The following COL21A1 variants were observed in gnomAD, a reference collection of about 807,000 sequenced individuals.
The protein encoded by COL21A1 is collagen alpha-1(XXI) chain.
In COL21A1, 149 loss-of-function variants were observed where a neutral mutation model predicts 137.9. The ratio of observed to expected loss-of-function variants is 1.08; its 90% CI spans 0.95 to 1.24. COL21A1 has a LOEUF of 1.24. COL21A1 is among the 50% of genes most tolerant of loss of function. COL21A1 has a pLI of 0.00. For missense variants in COL21A1, 1,167 were observed against 1,158.4 expected (o/e 1.01, Z -0.11); for synonymous variants, 456 against 391.5 (o/e 1.16, Z -1.95).
At chr6:56,226,107 A>G (rs987120913) in intron 1 of COL21A1, among the ~76,000 whole-genome samples, 7 of 152,082 alleles carry the variant, frequency 4.6e-5, no homozygotes, top group Non-Finnish European at 7.4e-5. Context: ...AAATATCTTG[A>G]CTTTTTCTTT....
chr6:56,313,380 A>G (rs969419635), intron 1 of COL21A1, among the ~76,000 whole-genome samples: 1 of 152,066 alleles, frequency 6.6e-6, no homozygotes, highest in African/African-American at 2.4e-5. Context: ...TGTCATAACA[A>G]CATATCATAG....
At chr6:56,349,099 G>A (rs1314457492) in intron 1 of COL21A1, among the ~76,000 whole-genome samples, 1 of 152,174 alleles carries the variant, frequency 6.6e-6, no homozygotes, top group Non-Finnish European at 1.5e-5. Flanking sequence ...AATAGCTTCT[G>A]AAGAAGAGAA....
chr6:56,199,161 G>T (rs1275144542), intron 1 of COL21A1, among the ~76,000 whole-genome samples: 1 of 152,034 alleles, frequency 6.6e-6, no homozygotes, highest in African/African-American at 2.4e-5. Context: ...AACTATTACA[G>T]TTGTAGGGTC....
At chr6:56,151,349 C>A (rs1325288974) in intron 10 of COL21A1, among the ~76,000 whole-genome samples, 1 of 152,206 alleles carries the variant, frequency 6.6e-6, no homozygotes, top group Non-Finnish European at 1.5e-5. Context: ...ATATGGCCTT[C>A]TTTAACAAAT....
At chr6:56,247,599 CCCGGG>C (rs2152328273), upstream of COL21A1, 1 of 152,412 alleles carries the variant, frequency 6.6e-6, no homozygotes, top group African/African-American at 2.4e-5. Context: ...GGAGGCGGAG[CCCGGG>C]AGATAAGGTT....
At chr6:56,347,517 T>TAAAAAAAA (rs373385667) in intron 1 of COL21A1, among the ~76,000 whole-genome samples, 2 of 127,182 alleles carry the variant, frequency 1.6e-5, no homozygotes, top group African/African-American at 5.9e-5. Context: ...AGGAAGCATT[T>TAAAAAAAA]AAAAAAAAAA....
intron 1 of COL21A1, among the ~76,000 whole-genome samples, chr6:56,294,999 T>C (rs1764130179): frequency 6.6e-6 from 1 of 151,934 alleles, no homozygotes; most frequent in Non-Finnish European, 1.5e-5. Context: ...GTATTGTATA[T>C]AAAAAAGTCA....
chr6:56,061,592 C>T (rs964918141), intron 25 of COL21A1, 57 bp downstream of exon 25: 27 of 1,271,886 alleles, frequency 2.1e-5, no homozygotes, highest in Non-Finnish European at 2.8e-5. Flanking sequence ...TATTGAAACC[C>T]AAGCAAAAAG....
In COL21A1 at chr6:56,357,739, G is replaced by C. The variant is rs1008264311; in HGVS notation, c.-39+36232C>G. Among the ~76,000 whole-genome samples, 5 of 152,248 alleles carry C rather than the reference G, an allele frequency of 3.3e-5. No homozygotes were observed. The East Asian group carries it at 9.7e-4, about 29-fold the overall frequency. On this transcript the variant is annotated intron_variant, in intron 1 of 28. Coordinates refer to the COL21A1 transcript ENST00000370819. ...TCAGAACCATTTGAGAAAGGAGTTT[G>C]GGTCCTGGTTATTCTCTGGAAACCT...
At position 56,154,908 on chromosome 6, in the gene COL21A1, C is replaced by T. The variant is rs1441263600; in HGVS notation, c.1434+1979G>A. Among the ~76,000 whole-genome samples the T allele has an allele frequency of 3.9e-5, 6 of 152,202 alleles. No individual in the cohort carries two copies. The East Asian group carries it at 1.2e-3, about 29-fold the overall frequency. ...CTTTTTAAGAAAAAAAAAATTTCCC[C>T]AAGTTTGCTTTCTTTTTTCTTTTTT... On this transcript the variant is annotated intron_variant, in intron 10 of 29. Coordinates refer to ENST00000244728, the MANE Select transcript of COL21A1 (RefSeq NM_030820.4).
chr6:56,181,535 C>T (rs1777890846), intron 2 of COL21A1, among the ~76,000 whole-genome samples: 2 of 152,056 alleles, frequency 1.3e-5, no homozygotes. Context: ...CAGTGGTTTT[C>T]ACTCTAAGAG....
chr6:56,135,137 A>T (rs1473008672), intron 12 of COL21A1, among the ~76,000 whole-genome samples: 1 of 152,140 alleles, frequency 6.6e-6, no homozygotes, highest in Non-Finnish European at 1.5e-5. Flanking sequence ...AGAAGAAAAA[A>T]CTATTTTACA....
intron 1 of COL21A1, among the ~76,000 whole-genome samples, chr6:56,198,947 A>T (rs1384711329): frequency 6.6e-6 from 1 of 152,094 alleles, no homozygotes; most frequent in African/African-American, 2.4e-5. Flanking sequence ...ATTAACTGAA[A>T]GGGGCTCTAC....
intron 10 of COL21A1, among the ~76,000 whole-genome samples, chr6:56,155,510 C>T (rs6920461): frequency 0.56 from 85,450 of 152,106 alleles, 24,292 homozygotes; most frequent in East Asian, 0.79. Flanking sequence ...CCCACTCTTT[C>T]GTGGTAAGAA....
chr6:56,392,865 A>T, intron 1 of COL21A1, among the ~76,000 whole-genome samples: 1 of 152,178 alleles, frequency 6.6e-6, no homozygotes, highest in Non-Finnish European at 1.5e-5. Context: ...AAAAATGGAA[A>T]TATATTCCCA....
At chr6:56,089,038 C>G (rs151230637) in intron 17 of COL21A1, among the ~76,000 whole-genome samples, 6 of 152,236 alleles carry the variant, frequency 3.9e-5, no homozygotes, top group African/African-American at 1.4e-4. Flanking sequence ...GGTCCGCCCC[C>G]CTTAACTCCC....
At chr6:56,288,245 A>G (rs1325202591) in intron 1 of COL21A1, among the ~76,000 whole-genome samples, 2 of 115,358 alleles carry the variant, frequency 1.7e-5, no homozygotes, top group African/African-American at 9.6e-5. Flanking sequence ...ACATTTTAAA[A>G]AAATAAAAGA....
At chr6:56,119,125 G>A (rs1391361567) in intron 16 of COL21A1, among the ~76,000 whole-genome samples, 1 of 152,118 alleles carries the variant, frequency 6.6e-6, no homozygotes, top group Non-Finnish European at 1.5e-5. Flanking sequence ...AAATTGGAAA[G>A]GGAGAAGTAA....
At chr6:56,385,078 C>G (rs1001029893) in intron 1 of COL21A1, among the ~76,000 whole-genome samples, 2 of 152,168 alleles carry the variant, frequency 1.3e-5, no homozygotes, top group African/African-American at 4.8e-5. Flanking sequence ...AAAGGAAGCA[C>G]TAGAAAGGGT....
Sources: gnomAD v4.1 joint callset for allele counts (sites outside exome capture counted in the v4.1 genomes callset) on GRCh38, gnomAD v4.1.1 for gene constraint, MANE v1.5 for transcripts, NCBI Gene and HGNC (gene_info 2026-07-23, HGNC 2026-07-21) for gene names.